AHCY: variants seen among roughly 807,000 people sequenced by gnomAD.
The protein encoded by AHCY is S-adenosyl-L-homocysteine hydrolase.
In AHCY, 24 loss-of-function variants were observed where a neutral mutation model predicts 45.4. The ratio of observed to expected loss-of-function variants is 0.53; its 90% confidence interval spans 0.38 to 0.74. AHCY has a LOEUF of 0.74. Among genes scored for constraint, AHCY ranks in the 30% least tolerant of loss-of-function variants. The pLI is 0.00. For synonymous variants in AHCY, 245 were observed against 235.1 expected, an observed-to-expected ratio of 1.04 and a Z score of -0.39; for missense variants, 449 against 594.1, an observed-to-expected ratio of 0.76 and a Z score of 2.54.
intron 1 of AHCY, among the ~76,000 whole-genome samples, chr20:34,308,680 G>T (rs1319116049): frequency 2.7e-5 from 4 of 149,962 alleles, no homozygotes; most frequent in Admixed American, 6.6e-5. Context: ...TTGACACAGA[G>T]AGTTGCTCTG....
In AHCY at chr20:34,281,015, T is replaced by G. The variant is rs1186034981; in HGVS notation, c.*19A>C. The G allele has an allele frequency of 6.2e-7, 1 of 1,613,344 alleles. No individual in the cohort carries two copies. The highest frequency in any genetic ancestry group is 8.5e-7 in the Non-Finnish European group (1 of 1,179,782). ...CTGGGCAAGGACAGCAGCTGGAGGG[T>G]GAAACGCAGACCTGGCTCTCAGTAG... On this transcript the variant is annotated 3_prime_UTR_variant, in exon 10 of 10. Transcript: ENST00000217426.
chr20:34,265,932 A>G, the AHCY span, among the ~76,000 whole-genome samples: 1 of 150,962 alleles, frequency 6.6e-6, no homozygotes, highest in Non-Finnish European at 1.5e-5. Flanking sequence ...CCTGGGCGAC[A>G]GAGCAAGACT....
chr20:34,248,322 A>G, the AHCY span, among the ~76,000 whole-genome samples: 1 of 152,214 alleles, frequency 6.6e-6, no homozygotes, highest in Non-Finnish European at 1.5e-5. Flanking sequence ...AAAACATTCT[A>G]CTGACTGTCT....
At chr20:34,295,881 T>G (rs544323029) in intron 1 of AHCY, among the ~76,000 whole-genome samples, 1 of 152,042 alleles carries the variant, frequency 6.6e-6, no homozygotes, top group Admixed American at 6.6e-5. Context: ...ACATGATACT[T>G]CCCACTACCC....
At chr20:34,307,591 C>T (rs1007615317), upstream of AHCY, among the ~76,000 whole-genome samples, 45 of 152,284 alleles carry the variant, frequency 3.0e-4, no homozygotes, top group Admixed American at 7.8e-4. Context: ...AGGCTGGTCT[C>T]GAACTCCTGA....
intron 3 of AHCY, among the ~76,000 whole-genome samples, chr20:34,293,267 C>T (rs916184700): frequency 6.6e-6 from 1 of 151,850 alleles, no homozygotes; most frequent in Non-Finnish European, 1.5e-5. Context: ...ACCACCAGCC[C>T]ACACTCCTCC....
the AHCY span, among the ~76,000 whole-genome samples, chr20:34,273,357 T>C: frequency 3.3e-5 from 5 of 151,298 alleles, no homozygotes; most frequent in Admixed American, 3.3e-4. Context: ...ACTAATATAC[T>C]CTGACTGATT....
Position 34,298,605 on chromosome 20 carries a change from CGGGAGGGGGG to C in AHCY, c.29-3030_29-3021del, listed in dbSNP as rs1051440696. ...TTAGCAGACTGGGAAGTGGCGGCGG[CGGGAGGGGGG>C]GGGGTGTCTCCCTTTCCCCAGGGGA... On this transcript the variant is annotated intron_variant, in intron 1 of 9. Coordinates refer to ENST00000217426, the MANE Select transcript of AHCY (RefSeq NM_000687.4). Among the ~76,000 whole-genome samples the C allele has an allele frequency of 7.3e-4, 23 of 31,294 alleles. 1 individual carries two copies. The highest frequency in any genetic ancestry group is 3.4e-3 in the South Asian group (2 of 596). The allele number at this position is 31,294 out of a possible 152,430, so 20.5% of individuals were successfully genotyped here. A position where few individuals can be genotyped will look rare whatever the true frequency, so the allele number is the denominator to read the frequency against.
At chr20:34,260,909 G>A in the AHCY span, among the ~76,000 whole-genome samples, 1 of 152,200 alleles carries the variant, frequency 6.6e-6, no homozygotes, top group Non-Finnish European at 1.5e-5. Context: ...TCATGTCAGG[G>A]TTGGGAATGA....
At chr20:34,306,568 C>A (rs533897394), upstream of AHCY, among the ~76,000 whole-genome samples, 4 of 152,136 alleles carry the variant, frequency 2.6e-5, no homozygotes, top group Non-Finnish European at 4.4e-5. Context: ...GGTGTTTCAC[C>A]ATGTTGGCCA....
the AHCY span, among the ~76,000 whole-genome samples, chr20:34,255,709 C>T: frequency 6.6e-6 from 1 of 152,308 alleles, no homozygotes; most frequent in East Asian, 1.9e-4. Flanking sequence ...ACACGGTGAG[C>T]AAGTGACCAG....
chr20:34,258,098 C>T, the AHCY span, among the ~76,000 whole-genome samples: 2 of 151,458 alleles, frequency 1.3e-5, no homozygotes, highest in South Asian at 4.2e-4. Flanking sequence ...AAGCCAAGAT[C>T]GCACCACTGC....
intron 1 of AHCY, among the ~76,000 whole-genome samples, chr20:34,298,266 A>G (rs2036636927): frequency 1.3e-5 from 2 of 152,250 alleles, no homozygotes; most frequent in South Asian, 4.1e-4. Flanking sequence ...TATACTAGAT[A>G]TAGATCTTAT....
chr20:34,268,174 G>A, the AHCY span, among the ~76,000 whole-genome samples: 1 of 152,136 alleles, frequency 6.6e-6, no homozygotes, highest in Non-Finnish European at 1.5e-5. Context: ...CACGTACTCA[G>A]TAGCCACAGA....
At chr20:34,263,561 A>G in the AHCY span, among the ~76,000 whole-genome samples, 5 of 152,222 alleles carry the variant, frequency 3.3e-5, no homozygotes, top group African/African-American at 1.2e-4. Context: ...CTCTGTCTCA[A>G]AACAACAACA....
chr20:34,258,708 ATT>A, the AHCY span, among the ~76,000 whole-genome samples: 3 of 78,374 alleles, frequency 3.8e-5, no homozygotes, highest in Non-Finnish European at 7.2e-5. Context: ...ATATATATAT[ATT>A]ATATATATTA....
Position 34,303,264 on chromosome 20 carries a change from C to G in AHCY, c.7G>C (p.Asp3His), listed in dbSNP as rs962649621. 1 of 1,551,754 alleles carries G rather than the reference C, an allele frequency of 6.4e-7. No homozygotes were observed. The highest frequency in any genetic ancestry group is 8.7e-7 in the Non-Finnish European group (1 of 1,146,980). The change falls in exon 1 of 10, where the codon GAC (aspartate) becomes CAC (histidine). Residue 3 changes from aspartate (D) to histidine (H), a missense_variant. Asp to His is a moderately conservative substitution (Grantham distance 81). Coordinates refer to ENST00000217426, the MANE Select transcript of AHCY (RefSeq NM_000687.4). Reference sequence around the variant, plus strand: ...TCACCGACTTTGTAGGGCAGTTTGTCAGACATGCTGGCGGCACTCGTGATG... The same window carrying G: ...TCACCGACTTTGTAGGGCAGTTTGTGAGACATGCTGGCGGCACTCGTGATG... MS[D>H]KLPYKVADIG...
At chr20:34,310,348 C>T (rs186695816) in intron 1 of AHCY, among the ~76,000 whole-genome samples, 7 of 152,298 alleles carry the variant, frequency 4.6e-5, no homozygotes, top group Admixed American at 3.3e-4. Flanking sequence ...CGTGAGCCAC[C>T]ATGCCCGGCT....
chr20:34,295,072 C>A, intron 2 of AHCY: 2 of 433,832 alleles, frequency 4.6e-6, no homozygotes, highest in Non-Finnish European at 4.3e-6. Context: ...AGGCCTGTGA[C>A]CCCCGAAGGG....
Sources: gnomAD v4.1 joint callset for allele counts (sites outside exome capture counted in the v4.1 genomes callset) on GRCh38, gnomAD v4.1.1 for gene constraint, MANE v1.5 for transcripts, NCBI Gene and HGNC (gene_info 2026-07-23, HGNC 2026-07-21) for gene names.